ZDHHC5: variants seen among roughly 807,000 people sequenced by gnomAD.
ZDHHC5 encodes palmitoyltransferase ZDHHC5.
In ZDHHC5, 22 loss-of-function variants were observed where a neutral mutation model predicts 70.0. The ratio of observed to expected loss-of-function variants is 0.31; its 90% CI spans 0.22 to 0.45. The LOEUF is 0.45. ZDHHC5 is among the 20% of genes least tolerant of loss of function. The probability of loss-of-function intolerance (pLI) is 1.00; values close to 1 mark genes in which losing one functional copy is unlikely to be tolerated. For missense variants in ZDHHC5, 746 were observed against 926.9 expected (o/e 0.80, Z 2.53); for synonymous variants, 313 against 347.8 (o/e 0.90, Z 1.11).
In ZDHHC5 at chr11:57,672,733, A is replaced by G. The variant is rs1555004761; in HGVS notation, c.-358A>G. On this transcript the variant is annotated 5_prime_UTR_variant, in exon 2 of 12. Transcript: ENST00000287169. ...GCCTCCATCCATGAGCTGTATCTTGATCTGTCTGACTGTCCATGTTTTCCA... is the reference window on the plus strand; with the variant it reads ...GCCTCCATCCATGAGCTGTATCTTGGTCTGTCTGACTGTCCATGTTTTCCA... 4 of 206,176 alleles carry G rather than the reference A, an allele frequency of 1.9e-5. No homozygotes were observed. The highest frequency in any genetic ancestry group is 3.9e-5 in the Non-Finnish European group (4 of 102,220). The allele number at this position is 206,176 out of a possible 1,614,324, so 12.8% of individuals were successfully genotyped here.
chr11:57,697,005 G>A (rs1021086262), intron 10 of ZDHHC5, 132 bp downstream of exon 10: 71 of 886,628 alleles, frequency 8.0e-5, no homozygotes, highest in Non-Finnish European at 1.2e-4. Flanking sequence ...GACCGTCCTG[G>A]CCAACATGGT....
intron 3 of ZDHHC5, among the ~76,000 whole-genome samples, chr11:57,687,892 T>G (rs755609573): frequency 6.7e-6 from 1 of 149,182 alleles, no homozygotes; most frequent in Non-Finnish European, 1.5e-5. Flanking sequence ...TGCCTTAGCC[T>G]CCTGAGTAGC....
chr11:57,692,848 TG>T lies in ZDHHC5; in HGVS notation c.752+148del, dbSNP rs1453091034. 1.7e-5 allele frequency: 13 copies of T among 764,456 alleles called. No homozygotes were observed. The South Asian group carries it at 2.4e-4, about 14-fold the overall frequency. 47.4% of individuals were successfully genotyped at this position (764,456 alleles called of 1,614,324 possible). A position where few individuals can be genotyped will look rare whatever the true frequency, so the allele number is the denominator to read the frequency against. The stretch of plus-strand genomic sequence containing the variant: ...GTTAAGTACCCACTCTATCTTAGAA[TG>T]GTAAGTAGTCTATCTTAGAATGGTA... On this transcript the variant is annotated intron_variant, in intron 7 of 11. Coordinates refer to ENST00000287169, the MANE Select transcript of ZDHHC5 (RefSeq NM_015457.3).
chr11:57,675,687 G>GT (rs1023749701), intron 2 of ZDHHC5, among the ~76,000 whole-genome samples: 5 of 152,136 alleles, frequency 3.3e-5, no homozygotes, highest in African/African-American at 1.2e-4. Context: ...CAAACACACT[G>GT]TTTATCTTAC....
intron 3 of ZDHHC5, 91 bp from the exon 4 acceptor site, chr11:57,688,417 A>G: frequency 7.3e-7 from 1 of 1,364,494 alleles, no homozygotes. Flanking sequence ...AATTCCTCAA[A>G]GGCAGAAGCT....
intron 3 of ZDHHC5, among the ~76,000 whole-genome samples, chr11:57,684,174 T>C (rs573750272): frequency 6.6e-6 from 1 of 152,188 alleles, no homozygotes; most frequent in South Asian, 2.1e-4. Flanking sequence ...AGATGGGGTT[T>C]CCATATTGGC....
chr11:57,685,740 A>G (rs1946200589), intron 3 of ZDHHC5, among the ~76,000 whole-genome samples: 2 of 151,774 alleles, frequency 1.3e-5, no homozygotes, highest in African/African-American at 4.8e-5. Context: ...AAACAAATAC[A>G]CCGTGGGCCG....
intron 1 of ZDHHC5, among the ~76,000 whole-genome samples, chr11:57,669,328 C>T (rs931894012): frequency 2.0e-5 from 3 of 152,212 alleles, no homozygotes; most frequent in Non-Finnish European, 4.4e-5. Context: ...CTGGTATCCA[C>T]CTATTTAAGG....
rs578033504 is a variant in ZDHHC5 at position 57,694,960 on chromosome 11, TA to T, written c.886-954del. 4.6e-5 allele frequency among the ~76,000 whole-genome samples: 7 copies of T among 152,002 alleles called. No homozygotes were observed. The East Asian group carries it at 1.4e-3, about 29-fold the overall frequency. The stretch of plus-strand genomic sequence containing the variant: ...ACTCCATCTCTAAAACAGACTAAAA[TA>T]AAAAATAGAAAAATTTTCTGGCTGG... On this transcript the variant is annotated intron_variant, in intron 8 of 11. Transcript: ENST00000287169.
intron 3 of ZDHHC5, among the ~76,000 whole-genome samples, chr11:57,686,834 T>TG (rs374085107): frequency 0.025 from 1,760 of 70,164 alleles, 39 homozygotes; most frequent in East Asian, 0.072. Flanking sequence ...TGTGTGTGTG[T>TG]TTTTTTTTTT....
intron 4 of ZDHHC5, among the ~76,000 whole-genome samples, chr11:57,689,660 G>A (rs968481926): frequency 7.3e-5 from 11 of 151,178 alleles, no homozygotes; most frequent in African/African-American, 2.7e-4. Context: ...ACAGGCGTGA[G>A]CCACCGCGCC....
chr11:57,688,703 C>A, intron 4 of ZDHHC5, 38 bp downstream of exon 4: 1 of 1,535,622 alleles, frequency 6.5e-7, no homozygotes, highest in Non-Finnish European at 8.8e-7. Context: ...CATGCTTAAC[C>A]TTCATTGTCT....
At position 57,698,575 on chromosome 11, in the gene ZDHHC5, G is replaced by A. The variant is rs770802108; in HGVS notation, c.1139G>A (p.Ser380Asn). 6.2e-7 allele frequency: 1 copy of A among 1,608,788 alleles called. No individual in the cohort carries two copies. The highest frequency in any genetic ancestry group is 1.1e-5 in the South Asian group (1 of 90,140). The change falls in exon 11 of 12, where the codon AGC becomes AAC. Residue 380 changes from serine to asparagine, a missense_variant. Coordinates refer to ENST00000287169, the MANE Select transcript of ZDHHC5 (RefSeq NM_015457.3). ...SSSAKLSRGD[S>N]LKEPTSIAES... Reference sequence around the variant, plus strand: ...CTTCCTCAGTTGAGTCGTGGGGACAGCTTGAAGGAGCCAACCTCAATTGCA... The same window carrying A: ...CTTCCTCAGTTGAGTCGTGGGGACAACTTGAAGGAGCCAACCTCAATTGCA...
chr11:57,690,029 A>C lies in ZDHHC5; in HGVS notation c.385-2A>C. On this transcript the variant is annotated splice_acceptor_variant, in intron 4 of 11. Coordinates refer to ENST00000287169, the MANE Select transcript of ZDHHC5 (RefSeq NM_015457.3). LOFTEE classifies it high-confidence loss of function. ...CTCTCATCTGTCTCTCTTTGTCCCT[A>C]GGAATTTGATCATCACTGCCCCTGG... 6.2e-7 allele frequency: 1 copy of C among 1,613,998 alleles called. No individual in the cohort carries two copies. Among genetic ancestry groups the C allele is most frequent in the Non-Finnish European group, 8.5e-7 (1 of 1,179,960 alleles).
At chr11:57,694,697 T>G (rs1319462048) in intron 8 of ZDHHC5, among the ~76,000 whole-genome samples, 1 of 152,160 alleles carries the variant, frequency 6.6e-6, no homozygotes, top group African/African-American at 2.4e-5. Context: ...CAATAGAAAA[T>G]GAATTCATTC....
chr11:57,669,261 A>G (rs781221633), intron 1 of ZDHHC5, among the ~76,000 whole-genome samples: 14 of 152,150 alleles, frequency 9.2e-5, no homozygotes, highest in Admixed American at 7.9e-4. Flanking sequence ...GATTTACTCT[A>G]TTGTACTGTT....
intron 2 of ZDHHC5, among the ~76,000 whole-genome samples, chr11:57,673,768 C>T (rs1229667014): frequency 1.3e-5 from 2 of 152,156 alleles, no homozygotes; most frequent in Non-Finnish European, 2.9e-5. Flanking sequence ...GATGGGGTTT[C>T]ACCATATTGG....
intron 1 of ZDHHC5, among the ~76,000 whole-genome samples, chr11:57,670,076 A>C (rs1388504702): frequency 9.2e-5 from 14 of 152,214 alleles, no homozygotes; most frequent in Non-Finnish European, 1.9e-4. Flanking sequence ...AAAATATATG[A>C]AACAATATAT....
At chr11:57,668,855 G>C (rs1324309389) in intron 1 of ZDHHC5, among the ~76,000 whole-genome samples, 1 of 152,220 alleles carries the variant, frequency 6.6e-6, no homozygotes, top group East Asian at 1.9e-4. Flanking sequence ...GGGCAGGCAG[G>C]TGGAAAGTGT....
Sources: allele counts gnomAD v4.1 joint callset (sites outside exome capture counted in the v4.1 genomes callset), GRCh38; gene constraint gnomAD v4.1.1; transcripts MANE v1.5; gene names NCBI Gene and HGNC (gene_info 2026-07-23, HGNC 2026-07-21).